Variants in GOLGA8J observed in about 807,000 individuals in gnomAD.
The protein encoded by GOLGA8J is golgin subfamily A member 8J.
In GOLGA8J, 19 loss-of-function variants were observed where a neutral mutation model predicts 67.7. The observed-to-expected ratio is 0.28, with a 90% CI of 0.20 to 0.41. The LOEUF (loss-of-function observed/expected upper bound fraction) is 0.41. Ranked by LOEUF, GOLGA8J falls within the 10% of genes least tolerant of loss-of-function variation. The pLI is 1.00. For missense variants in GOLGA8J, 205 were observed against 584.3 expected (o/e 0.35, Z 6.69); for synonymous variants, 69 against 215.9 (o/e 0.32, Z 5.97).
chr15:30,089,942 G>A lies in GOLGA8J; in HGVS notation c.1117G>A (p.Val373Ile), dbSNP rs149039043. 3.8e-3 allele frequency: 5,849 copies of A among 1,536,156 alleles called. 660 individuals carry two copies. In the African/African-American group the frequency reaches 0.059, roughly 16 times the overall value. Residue 373 changes from valine to isoleucine, a missense_variant, in exon 12 of 19, where the codon GTC becomes ATC. Transcript: ENST00000567927. ...SLQQLAKPQS[V>I]FKEPNNENKN... The stretch of plus-strand genomic sequence containing the variant: ...TCAGCAGCTGGCCAAGCCACAGAGC[G>A]TCTTCAAGGAGCCGGTGCGTTGCCC...
At chr15:30,090,686 CAAAAA>C (rs71270989) in intron 13 of GOLGA8J, among the ~76,000 whole-genome samples, 14 of 59,348 alleles carry the variant, frequency 2.4e-4, no homozygotes, top group African/African-American at 4.7e-4. Context: ...ACTAAAATTA[CAAAAA>C]AAAAAAAAAA....
intron 8 of GOLGA8J, 111 bp from the exon 9 acceptor site, chr15:30,088,629 G>C (rs1204878485): frequency 8.9e-6 from 8 of 899,494 alleles, no homozygotes; most frequent in Non-Finnish European, 1.4e-5. Flanking sequence ...GAAATGCCTT[G>C]ATCTTTACTG....
rs2057423063 is a variant in GOLGA8J, at chr15:30,092,722, C to A, written c.1383C>A (p.Asp461Glu). ...ESREAMSSFM[D>E]HLEEKADLSE... ...TTTGGCTCCAGAGCAGCTTTATGGA[C>A]CACCTGGAGGAGAAGGCAGACCTGA... is the stretch of plus-strand genomic sequence containing the variant. Residue 461 changes from aspartate (D) to glutamate (E), a missense_variant, in exon 16 of 19, where the codon GAC (aspartate) becomes GAA (glutamate). By Grantham distance (45) the Asp-to-Glu change is conservative (BLOSUM62 2). Coordinates refer to ENST00000567927, the MANE Select transcript of GOLGA8J (RefSeq NM_001282472.2). 1.1e-6 allele frequency: 1 copy of A among 945,658 alleles called. No homozygotes were observed. The highest frequency in any genetic ancestry group is 1.6e-6 in the Non-Finnish European group (1 of 636,904). The allele number at this position is 945,658 out of a possible 1,614,324, so 58.6% of individuals were successfully genotyped here. A position where few individuals can be genotyped will look rare whatever the true frequency, so the allele number is the denominator to read the frequency against.
At position 30,093,231 on chromosome 15, in the gene GOLGA8J, A is replaced by G; in HGVS notation, c.1715A>G (p.Lys572Arg). 1 of 1,586,242 alleles carries G rather than the reference A, an allele frequency of 6.3e-7. No homozygotes were observed. Among genetic ancestry groups the G allele is most frequent in the Non-Finnish European group, 8.5e-7 (1 of 1,174,076 alleles). Reference protein sequence around the residue: ...PAPQELGAADKHGHLCEVSLT... With the variant: ...PAPQELGAADRHGHLCEVSLT... Reference sequence around the variant, plus strand: ...CCCCAGGAGCTTGGGGCTGCAGACAAGCATGGTCGTGAGTAGAGCCCTCAG... The same window carrying G: ...CCCCAGGAGCTTGGGGCTGCAGACAGGCATGGTCGTGAGTAGAGCCCTCAG... The change falls in exon 18 of 19, where the codon AAG (lysine) becomes AGG (arginine). Residue 572 changes from lysine to arginine, a missense_variant. Coordinates refer to ENST00000567927, the MANE Select transcript of GOLGA8J (RefSeq NM_001282472.2).
intron 13 of GOLGA8J, among the ~76,000 whole-genome samples, chr15:30,090,706 A>AAAAT (rs2057392055): frequency 7.7e-6 from 1 of 130,056 alleles, no homozygotes; most frequent in African/African-American, 3.5e-5. Context: ...AAAAAAAAAA[A>AAAAT]ATTAGCAGGA....
chr15:30,084,862 C>A lies in GOLGA8J; in HGVS notation c.140C>A (p.Thr47Asn), dbSNP rs773040001. Reference sequence around the variant, plus strand: ...AATGGCAGTATCCCTGAGAAAGCCACTTCTGGTGGTTGCCAGCCACCTAGG... The same window carrying A: ...AATGGCAGTATCCCTGAGAAAGCCAATTCTGGTGGTTGCCAGCCACCTAGG... ...KTNGSIPEKA[T>N]SGGCQPPRDS... Residue 47 changes from threonine (T) to asparagine (N), a missense_variant, in exon 2 of 19, where the codon ACT becomes AAT. Thr to Asn is a moderately conservative substitution (Grantham distance 65, BLOSUM62 0). Coordinates refer to ENST00000567927, the MANE Select transcript of GOLGA8J (RefSeq NM_001282472.2). 2.1e-6 allele frequency: 3 copies of A among 1,433,412 alleles called. 1 individual carries two copies. In the South Asian group the frequency reaches 4.0e-5, roughly 19 times the overall value. The allele number at this position is 1,433,412 out of a possible 1,614,324, so 88.8% of individuals were successfully genotyped here.
chr15:30,090,469 G>C (rs1354085201), intron 13 of GOLGA8J, among the ~76,000 whole-genome samples, 189 bp downstream of exon 13: 1 of 148,130 alleles, frequency 6.8e-6, no homozygotes, highest in Non-Finnish European at 1.5e-5. Flanking sequence ...GTAGCCCTGG[G>C]CTCCTCTAAG....
In GOLGA8J at chr15:30,084,844, G is replaced by A; in HGVS notation, c.122G>A (p.Ser41Asn). ...GANRNRKTNG[S>N]IPEKATSGGC... The stretch of plus-strand genomic sequence containing the variant: ...AACAGGAACAGGAAAACAAATGGCA[G>A]TATCCCTGAGAAAGCCACTTCTGGT... The change falls in exon 2 of 19, where the codon AGT (serine) becomes AAT (asparagine). Residue 41 changes from serine (S) to asparagine (N), a missense_variant. Physicochemically the swap from Ser to Asn is conservative, Grantham distance 46. Transcript: ENST00000567927. 7.2e-7 allele frequency: 1 copy of A among 1,397,648 alleles called. No homozygotes were observed. Among genetic ancestry groups the A allele is most frequent in the Non-Finnish European group, 9.3e-7 (1 of 1,077,366 alleles). The allele number at this position is 1,397,648 out of a possible 1,614,324, so 86.6% of individuals were successfully genotyped here. A position where few individuals can be genotyped will look rare whatever the true frequency, so the allele number is the denominator to read the frequency against.
chr15:30,084,996 G>A (rs1340450428), intron 2 of GOLGA8J, 106 bp downstream of exon 2: 6 of 1,296,124 alleles, frequency 4.6e-6, no homozygotes, highest in African/African-American at 3.2e-5. Flanking sequence ...AAGAATTCTG[G>A]CTTTAGCCGG....
In GOLGA8J at chr15:30,094,405, A is replaced by G. The variant is rs2057448232; in HGVS notation, c.*906A>G. On this transcript the variant is annotated 3_prime_UTR_variant, in exon 19 of 19. Coordinates refer to ENST00000567927, the MANE Select transcript of GOLGA8J (RefSeq NM_001282472.2). The stretch of plus-strand genomic sequence containing the variant: ...CTTAGAGCATTTGTATCTACAATAC[A>G]TTTTAAAGTCAGAGTTCATGTTACC... Among the ~76,000 whole-genome samples the G allele has an allele frequency of 6.8e-6, 1 of 146,894 alleles. No individual in the cohort carries two copies. Among genetic ancestry groups the G allele is most frequent in the African/African-American group, 2.7e-5 (1 of 37,678 alleles).
At chr15:30,088,047 G>C (rs1485489441) in intron 8 of GOLGA8J, 2 of 526,356 alleles carry the variant, frequency 3.8e-6, no homozygotes, top group Non-Finnish European at 6.9e-6. Context: ...GAGGAAACGT[G>C]TGTGCGTGTG....
chr15:30,088,554 C>T (rs66642153), intron 8 of GOLGA8J, among the ~76,000 whole-genome samples, 186 bp from the exon 9 acceptor site: 1 of 147,816 alleles, frequency 6.8e-6, no homozygotes, highest in East Asian at 2.0e-4. Flanking sequence ...CAGCTATAAA[C>T]TCAGTCTCAT....
intron 12 of GOLGA8J, 98 bp downstream of exon 12, chr15:30,090,054 T>A: frequency 1.5e-6 from 2 of 1,300,828 alleles, no homozygotes; most frequent in South Asian, 2.9e-5. Context: ...TCACATGAAA[T>A]GTTACTTCTA....
chr15:30,090,381 G>C (rs1012855681), intron 13 of GOLGA8J, 101 bp downstream of exon 13: 27 of 1,516,024 alleles, frequency 1.8e-5, no homozygotes, highest in Non-Finnish European at 1.9e-5. Flanking sequence ...CTTCCAGCCT[G>C]GGGGCTGGTG....
In GOLGA8J at chr15:30,094,441, A is replaced by C. The variant is rs2057448467; in HGVS notation, c.*942A>C. ...AGAGTTCATGTTACCTGTTTTAATC[A>C]CATGACTACATGTCCCAGTACACAA... On this transcript the variant is annotated 3_prime_UTR_variant, in exon 19 of 19. Coordinates refer to ENST00000567927, the MANE Select transcript of GOLGA8J (RefSeq NM_001282472.2). Among the ~76,000 whole-genome samples, 1 of 143,596 alleles carries C rather than the reference A, an allele frequency of 7.0e-6. No individual in the cohort carries two copies. The highest frequency in any genetic ancestry group is 2.2e-4 in the South Asian group (1 of 4,638). 94.2% of individuals were successfully genotyped at this position (143,596 alleles called of 152,430 possible).
chr15:30,090,003 G>A (rs1477045823), intron 12 of GOLGA8J, 47 bp downstream of exon 12: 2 of 1,445,562 alleles, frequency 1.4e-6, no homozygotes, highest in South Asian at 2.5e-5. Flanking sequence ...TAGACCTCCG[G>A]GCCTTTGTTT....
chr15:30,088,086 G>T (rs921942206), intron 8 of GOLGA8J: 29 of 446,274 alleles, frequency 6.5e-5, no homozygotes, highest in Admixed American at 1.1e-4. Flanking sequence ...TGTGCATACT[G>T]TGATAATATA....
Position 30,089,900 on chromosome 15 carries a change from G to C in GOLGA8J, c.1075G>C (p.Glu359Gln). The change falls in exon 12 of 19, where the codon GAG becomes CAG. Residue 359 changes from glutamate to glutamine, a missense_variant. Transcript: ENST00000567927. Reference sequence around the variant, plus strand: ...TCGGAAGCAGGAGGAGAGGATTCAGGAGCAGCACAAGAGCCTTCAGCAGCT... The same window carrying C: ...TCGGAAGCAGGAGGAGAGGATTCAGCAGCAGCACAAGAGCCTTCAGCAGCT... ...RLRKQEERIQ[E>Q]QHKSLQQLAK... is the part of the protein sequence containing the mutation. 1 of 1,519,348 alleles carries C rather than the reference G, an allele frequency of 6.6e-7. No homozygotes were observed. Among genetic ancestry groups the C allele is most frequent in the Non-Finnish European group, 8.8e-7 (1 of 1,141,378 alleles). The allele number at this position is 1,519,348 out of a possible 1,614,324, so 94.1% of individuals were successfully genotyped here. A position where few individuals can be genotyped will look rare whatever the true frequency, so the allele number is the denominator to read the frequency against.
Position 30,094,163 on chromosome 15 carries a change from G to A in GOLGA8J, c.*664G>A, listed in dbSNP as rs1334400266. 6.9e-6 allele frequency among the ~76,000 whole-genome samples: 1 copy of A among 145,132 alleles called. No homozygotes were observed. The highest frequency in any genetic ancestry group is 1.5e-5 in the Non-Finnish European group (1 of 67,444). ...AGAGGAAAGTGGCCTCCTCTGGCAG[G>A]TACGTGCAGGATAGAGTGTGTTTCA... On this transcript the variant is annotated 3_prime_UTR_variant, in exon 19 of 19. Transcript: ENST00000567927.
Sources: allele counts gnomAD v4.1 joint callset (sites outside exome capture counted in the v4.1 genomes callset), GRCh38; gene constraint gnomAD v4.1.1; transcripts MANE v1.5; gene names NCBI Gene and HGNC (gene_info 2026-07-23, HGNC 2026-07-21).